SGCD: variants seen among roughly 807,000 people sequenced by gnomAD.
SGCD encodes the protein sarcoglycan delta.
Under a neutral mutation model 36.6 loss-of-function variants are expected in SGCD, and 18 were observed. The ratio of observed to expected loss-of-function variants is 0.49; its 90% CI spans 0.34 to 0.73. The LOEUF (loss-of-function observed/expected upper bound fraction) is 0.73. SGCD is among the 30% of genes least tolerant of loss of function. The pLI is 0.01. For synonymous variants in SGCD, 133 were observed against 130.6 expected (o/e 1.02, Z -0.12); for missense variants, 387 against 346.7 (o/e 1.12, Z -0.92).
intron 6 of SGCD, among the ~76,000 whole-genome samples, chr5:156,610,823 G>T (rs1317834174): frequency 1.3e-5 from 2 of 152,242 alleles, no homozygotes; most frequent in Non-Finnish European, 2.9e-5. Flanking sequence ...GGCTCTGTGG[G>T]CGTAGGACCC....
intron 1 of SGCD, among the ~76,000 whole-genome samples, chr5:155,904,247 A>G (rs972764580): frequency 2.0e-5 from 3 of 152,220 alleles, no homozygotes; most frequent in Non-Finnish European, 1.5e-5. Flanking sequence ...CCTGGCAACC[A>G]TATTGTAAGT....
the SGCD span, among the ~76,000 whole-genome samples, chr5:155,821,575 A>T: frequency 6.6e-6 from 1 of 152,174 alleles, no homozygotes; most frequent in Non-Finnish European, 1.5e-5. Context: ...GGCCTCCCAA[A>T]GTGCTGGGAT....
intron 1 of SGCD, among the ~76,000 whole-genome samples, chr5:156,116,967 C>T (rs1400906117): frequency 1.3e-5 from 2 of 152,002 alleles, no homozygotes; most frequent in Admixed American, 6.6e-5. Context: ...TGGGTTTACT[C>T]AACACATCAG....
chr5:156,115,925 A>G (rs1761895635), intron 1 of SGCD, among the ~76,000 whole-genome samples: 1 of 152,144 alleles, frequency 6.6e-6, no homozygotes, highest in Non-Finnish European at 1.5e-5. Flanking sequence ...GATCACACGT[A>G]GCTTCACCTA....
intron 3 of SGCD, among the ~76,000 whole-genome samples, chr5:156,482,023 C>T (rs1036240439): frequency 2.0e-5 from 3 of 152,204 alleles, no homozygotes; most frequent in African/African-American, 7.2e-5. Context: ...CAAACAGAAA[C>T]TTGCTCCTTT....
intron 6 of SGCD, among the ~76,000 whole-genome samples, chr5:156,598,460 T>A (rs1044422254): frequency 1.3e-5 from 2 of 152,188 alleles, no homozygotes; most frequent in African/African-American, 4.8e-5. Flanking sequence ...GAGAATTGCT[T>A]GAACCCAGGT....
intron 3 of SGCD, among the ~76,000 whole-genome samples, chr5:156,450,394 A>G (rs892796927): frequency 6.6e-6 from 1 of 152,128 alleles, no homozygotes; most frequent in Non-Finnish European, 1.5e-5. Flanking sequence ...AGGAGACAGT[A>G]AAGCTGCCAA....
At chr5:156,100,457 C>A (rs899430314) in intron 1 of SGCD, among the ~76,000 whole-genome samples, 1 of 152,128 alleles carries the variant, frequency 6.6e-6, no homozygotes, top group Non-Finnish European at 1.5e-5. Context: ...TATGTGTATG[C>A]ATGTGTTTTG....
At chr5:156,166,004 T>C (rs1263145483) in intron 3 of SGCD, among the ~76,000 whole-genome samples, 16 of 152,204 alleles carry the variant, frequency 1.1e-4, no homozygotes, top group Admixed American at 9.8e-4. Context: ...GACTTAACTT[T>C]GTATGAAAAC....
chr5:156,068,343 A>C (rs568554168), intron 1 of SGCD, among the ~76,000 whole-genome samples: 28 of 151,886 alleles, frequency 1.8e-4, no homozygotes, highest in African/African-American at 6.3e-4. Context: ...TCATTGTTCA[A>C]TTCCCACTTA....
At chr5:156,669,172 C>T (rs1753188960) in intron 7 of SGCD, among the ~76,000 whole-genome samples, 1 of 152,044 alleles carries the variant, frequency 6.6e-6, no homozygotes. Flanking sequence ...GGAGGCATAC[C>T]CAGACCTCAT....
At chr5:156,597,983 C>G (rs1392828498) in intron 6 of SGCD, among the ~76,000 whole-genome samples, 1 of 152,024 alleles carries the variant, frequency 6.6e-6, no homozygotes, top group Non-Finnish European at 1.5e-5. Flanking sequence ...ACCTTAAAGC[C>G]CTATACTTGC....
At chr5:156,025,959 G>A (rs1476900271) in intron 1 of SGCD, among the ~76,000 whole-genome samples, 1 of 152,220 alleles carries the variant, frequency 6.6e-6, no homozygotes, top group African/African-American at 2.4e-5. Flanking sequence ...AATAACAGCT[G>A]TCACCAAGTT....
chr5:155,846,462 C>T, the SGCD span, among the ~76,000 whole-genome samples: 10 of 152,246 alleles, frequency 6.6e-5, no homozygotes, highest in African/African-American at 1.4e-4. Flanking sequence ...CAGATGGACT[C>T]GGTGATTGGG....
At chr5:156,274,356 TTCTC>T (rs1421962368) in intron 3 of SGCD, among the ~76,000 whole-genome samples, 1 of 152,182 alleles carries the variant, frequency 6.6e-6, no homozygotes, top group Non-Finnish European at 1.5e-5. Flanking sequence ...TAGTCCCTAT[TTCTC>T]AGTCTGAGTG....
At chr5:156,072,239 A>C (rs981604696) in intron 1 of SGCD, among the ~76,000 whole-genome samples, 7 of 152,148 alleles carry the variant, frequency 4.6e-5, no homozygotes, top group Admixed American at 3.3e-4. Context: ...TGGTCTTTAC[A>C]ATTTGGCATG....
chr5:156,149,947 T>C (rs1762795101), intron 3 of SGCD, among the ~76,000 whole-genome samples: 1 of 152,218 alleles, frequency 6.6e-6, no homozygotes, highest in African/African-American at 2.4e-5. Flanking sequence ...TGAAAACCAG[T>C]GCCTTTTTAG....
intron 3 of SGCD, among the ~76,000 whole-genome samples, chr5:156,262,553 A>T (rs1181642099): frequency 2.0e-5 from 3 of 152,166 alleles, no homozygotes; most frequent in East Asian, 1.9e-4. Flanking sequence ...TTTTATTTCC[A>T]TAGGTTTTTG....
chr5:155,940,875 C>T (rs4704875), intron 1 of SGCD, among the ~76,000 whole-genome samples: 1 of 89,732 alleles, frequency 1.1e-5, no homozygotes, highest in Non-Finnish European at 2.2e-5. Context: ...ACAACAACAA[C>T]AAAAAAAACA....
Sources: allele counts gnomAD v4.1 joint callset (sites outside exome capture counted in the v4.1 genomes callset), GRCh38; gene constraint gnomAD v4.1.1; transcripts MANE v1.5; gene names NCBI Gene and HGNC (gene_info 2026-07-23, HGNC 2026-07-21).